Variants in COG5 observed in about 807,000 individuals in gnomAD.
COG5 encodes the protein conserved oligomeric Golgi complex subunit 5.
A neutral mutation model predicts 110.4 loss-of-function variants in COG5; 86 were observed. That is an observed-to-expected ratio of 0.78 (90% CI 0.65 to 0.93). The LOEUF is 0.93. Ranked by LOEUF, COG5 falls within the 40% of genes least tolerant of loss-of-function variation. COG5 has a pLI of 0.00. For missense variants in COG5, 1,077 were observed against 987.0 expected (o/e 1.09, Z -1.22); for synonymous variants, 360 against 334.6 (o/e 1.08, Z -0.83).
chr7:107,283,779 T>A, intron 12 of COG5, 47 bp from the exon 13 acceptor site: 1 of 1,376,690 alleles, frequency 7.3e-7, no homozygotes, highest in South Asian at 1.2e-5. Context: ...TGCACAGAGC[T>A]AAATGCTATT....
intron 5 of COG5, among the ~76,000 whole-genome samples, chr7:107,541,368 A>G (rs1258408355): frequency 6.7e-6 from 1 of 148,548 alleles, no homozygotes; most frequent in African/African-American, 2.5e-5. Flanking sequence ...GTGGTGGTGC[A>G]TGCCCATAGT....
intron 11 of COG5, among the ~76,000 whole-genome samples, chr7:107,302,671 A>T (rs1333394411): frequency 6.6e-6 from 1 of 152,192 alleles, no homozygotes; most frequent in Admixed American, 6.5e-5. Context: ...CCAATAATGC[A>T]AGGCCCTGGG....
At chr7:107,424,254 C>T (rs1410659437) in intron 6 of COG5, among the ~76,000 whole-genome samples, 1 of 151,996 alleles carries the variant, frequency 6.6e-6, no homozygotes, top group Non-Finnish European at 1.5e-5. Context: ...GCCTGGGCAA[C>T]AGAGCGAGAG....
At chr7:107,337,275 T>C (rs747707194) in intron 10 of COG5, among the ~76,000 whole-genome samples, 2 of 152,202 alleles carry the variant, frequency 1.3e-5, no homozygotes, top group Non-Finnish European at 2.9e-5. Context: ...AACTATCATA[T>C]ACTTCAGCAA....
intron 10 of COG5, among the ~76,000 whole-genome samples, chr7:107,325,021 T>C (rs1048698784): frequency 3.9e-5 from 6 of 152,104 alleles, no homozygotes; most frequent in Admixed American, 6.6e-5. Context: ...TTAGGATAAC[T>C]AACAAGAAAT....
At chr7:107,324,561 T>G in intron 10 of COG5, 40 bp from the exon 11 acceptor site, 2 of 1,238,702 alleles carry the variant, frequency 1.6e-6, no homozygotes, top group Non-Finnish European at 2.3e-6. Context: ...AATAAAAAAA[T>G]GCATTTATTT....
chr7:107,463,231 G>T (rs1796107606), intron 6 of COG5, among the ~76,000 whole-genome samples: 1 of 152,230 alleles, frequency 6.6e-6, no homozygotes, highest in African/African-American at 2.4e-5. Flanking sequence ...ACGCCAAAAT[G>T]ATACTAAGGC....
intron 6 of COG5, among the ~76,000 whole-genome samples, chr7:107,447,897 C>T (rs970530887): frequency 2.0e-5 from 3 of 152,140 alleles, no homozygotes; most frequent in Non-Finnish European, 2.9e-5. Context: ...GGCTCACACC[C>T]GTAATCCCAG....
chr7:107,235,175 G>A (rs1477206414), intron 18 of COG5, among the ~76,000 whole-genome samples: 1 of 152,136 alleles, frequency 6.6e-6, no homozygotes, highest in African/African-American at 2.4e-5. Context: ...TTTTTTGAAA[G>A]TGTGTCAAGT....
chr7:107,258,477 C>A, intron 14 of COG5, 94 bp from the exon 15 acceptor site: 1 of 789,234 alleles, frequency 1.3e-6, no homozygotes, highest in Non-Finnish European at 2.3e-6. Context: ...CACACACACA[C>A]ACATTCTTTA....
intron 6 of COG5, among the ~76,000 whole-genome samples, chr7:107,523,750 G>A (rs551462767): frequency 7.8e-4 from 119 of 152,142 alleles, no homozygotes; most frequent in African/African-American, 2.7e-3. Context: ...GGGAGGCGGA[G>A]GTTGCCGTGA....
At chr7:107,541,542 A>ATATATG (rs1802035360) in intron 5 of COG5, among the ~76,000 whole-genome samples, 1 of 135,484 alleles carries the variant, frequency 7.4e-6, no homozygotes, top group Non-Finnish European at 1.6e-5. Context: ...ATATATATAT[A>ATATATG]TGTATTTATG....
At chr7:107,398,746 A>G (rs974147575) in intron 7 of COG5, among the ~76,000 whole-genome samples, 61 of 152,214 alleles carry the variant, frequency 4.0e-4, no homozygotes, top group Non-Finnish European at 4.4e-5. Context: ...AAATTTTCAG[A>G]AAAAAACTAA....
chr7:107,205,812 A>G (rs1162384029), intron 21 of COG5, among the ~76,000 whole-genome samples: 1 of 151,830 alleles, frequency 6.6e-6, no homozygotes, highest in East Asian at 1.9e-4. Context: ...AAACGATCTC[A>G]CCTCTGTATC....
chr7:107,225,270 T>C (rs1028373832), intron 19 of COG5, among the ~76,000 whole-genome samples: 3 of 152,246 alleles, frequency 2.0e-5, no homozygotes, highest in Non-Finnish European at 4.4e-5. Flanking sequence ...CTGCTCTTTA[T>C]TGGGTAATGT....
intron 7 of COG5, among the ~76,000 whole-genome samples, chr7:107,386,238 G>A (rs1029515713): frequency 7.6e-6 from 1 of 130,798 alleles, no homozygotes; most frequent in Non-Finnish European, 1.5e-5. Context: ...CCATCCGCAG[G>A]TATATGATTG....
At chr7:107,212,197 A>T (rs1014629476) in intron 19 of COG5, among the ~76,000 whole-genome samples, 9 of 152,210 alleles carry the variant, frequency 5.9e-5, no homozygotes, top group African/African-American at 2.2e-4. Context: ...GCTTTATATT[A>T]ACTATTCTAC....
chr7:107,239,518 C>T (rs1255405527), intron 17 of COG5, among the ~76,000 whole-genome samples: 1 of 152,160 alleles, frequency 6.6e-6, no homozygotes, highest in Non-Finnish European at 1.5e-5. Context: ...GTAGAGATTG[C>T]ATTAAATCTG....
At position 107,372,651 on chromosome 7, in the gene COG5, A is replaced by G. The variant is rs372709635; in HGVS notation, c.779T>C (p.Ile260Thr). The G allele has an allele frequency of 6.2e-7, 1 of 1,613,618 alleles. No individual in the cohort carries two copies. The highest frequency in any genetic ancestry group is 1.3e-5 in the African/African-American group (1 of 74,920). ...AACTTTTATGTCTAATGCACTGTTG[A>G]TATTTTCTTCTAAAGTAGCACAATA... Reference protein sequence around the residue: ...DGYCATLEENINSALDIKVLT... With the variant: ...DGYCATLEENTNSALDIKVLT... The change falls in exon 8 of 22, where the codon ATC becomes ACC. Residue 260 changes from isoleucine to threonine, a missense_variant. Transcript: ENST00000297135.
Sources: gnomAD v4.1 joint callset for allele counts (sites outside exome capture counted in the v4.1 genomes callset) on GRCh38, gnomAD v4.1.1 for gene constraint, MANE v1.5 for transcripts, NCBI Gene and HGNC (gene_info 2026-07-23, HGNC 2026-07-21) for gene names.